Variants in ERI1 observed in about 807,000 individuals in gnomAD.
ERI1 encodes 3'-5' exoribonuclease 1.
In ERI1, 39 loss-of-function variants were observed where a neutral mutation model predicts 39.7. The ratio of observed to expected loss-of-function variants is 0.98; its 90% CI spans 0.76 to 1.28. The LOEUF (loss-of-function observed/expected upper bound fraction) is 1.28. ERI1 is among the 50% of genes most tolerant of loss of function. The pLI, the probability that ERI1 is intolerant of heterozygous loss-of-function variation, is 0.00. For synonymous variants in ERI1, 204 were observed against 149.6 expected (o/e 1.36, Z -2.65); for missense variants, 581 against 416.9 (o/e 1.39, Z -3.43).
intron 2 of ERI1, among the ~76,000 whole-genome samples, chr8:9,010,405 G>A (rs1476149334): frequency 6.6e-6 from 1 of 152,130 alleles, no homozygotes; most frequent in African/African-American, 2.4e-5. Context: ...AGAGGTTAAG[G>A]ATTTTCTCCG....
At chr8:9,080,664 T>C (rs1313464475) in intron 3 of ERI1, among the ~76,000 whole-genome samples, 2 of 152,150 alleles carry the variant, frequency 1.3e-5, no homozygotes, top group Non-Finnish European at 2.9e-5. Context: ...TCTAGACGTG[T>C]CTTTGGGTTC....
intron 3 of ERI1, among the ~76,000 whole-genome samples, chr8:9,092,751 A>G (rs934698684): frequency 1.3e-5 from 2 of 152,224 alleles, no homozygotes; most frequent in Middle Eastern, 3.4e-3. Flanking sequence ...ATTTTTAGAG[A>G]TGTGTTTTGT....
rs375181202 is a variant in ERI1, at chr8:9,012,191, A to G, written c.498+439A>G. Among the ~76,000 whole-genome samples, 48 of 152,242 alleles carry G rather than the reference A, an allele frequency of 3.2e-4. 1 individual carries two copies. The East Asian group carries it at 8.1e-3, about 26-fold the overall frequency. On this transcript the variant is annotated intron_variant, in intron 3 of 6. Transcript: ENST00000250263. ...TAACCACCACTGTGGCCTAGTGTGA[A>G]CTCTGATCTCTAAGAATGATAATTT...
At chr8:9,061,045 G>A (rs1460761063) in intron 3 of ERI1, among the ~76,000 whole-genome samples, 1 of 152,210 alleles carries the variant, frequency 6.6e-6, no homozygotes, top group Non-Finnish European at 1.5e-5. Context: ...GCAAGAGCGA[G>A]GGCTTGAGTT....
At chr8:9,011,464 C>A in intron 2 of ERI1, 78 bp from the exon 3 acceptor site, 1 of 913,286 alleles carries the variant, frequency 1.1e-6, no homozygotes, top group Non-Finnish European at 1.6e-6. Context: ...AGTGTTCAGC[C>A]CAGTGCCAGC....
chr8:9,014,904 C>G (rs1031253821), intron 3 of ERI1, among the ~76,000 whole-genome samples: 4 of 152,136 alleles, frequency 2.6e-5, no homozygotes, highest in African/African-American at 7.2e-5. Flanking sequence ...GTGGCTCAAT[C>G]TCGGCTCACT....
At chr8:9,009,840 G>C (rs1816477816) in intron 2 of ERI1, among the ~76,000 whole-genome samples, 2 of 152,146 alleles carry the variant, frequency 1.3e-5, no homozygotes, top group Admixed American at 1.3e-4. Context: ...TGAGGCCATG[G>C]CTTATAGTAT....
intron 1 of ERI1, among the ~76,000 whole-genome samples, chr8:9,004,570 G>A (rs892611995): frequency 1.3e-5 from 2 of 150,380 alleles, no homozygotes; most frequent in East Asian, 1.9e-4. Context: ...GAGGCTCAGT[G>A]GGGAGGATCA....
intron 3 of ERI1, among the ~76,000 whole-genome samples, chr8:9,042,197 C>G (rs1028344616): frequency 6.6e-6 from 1 of 152,212 alleles, no homozygotes; most frequent in East Asian, 1.9e-4. Flanking sequence ...AGAGAAGGAA[C>G]TTGGAGGCTG....
intron 2 of ERI1, among the ~76,000 whole-genome samples, chr8:9,009,675 G>C (rs1050619078): frequency 1.4e-4 from 21 of 152,072 alleles, no homozygotes; most frequent in Admixed American, 7.9e-4. Context: ...GAGTAGCTCG[G>C]ATTACAGGCA....
intron 3 of ERI1, among the ~76,000 whole-genome samples, chr8:9,091,923 C>G (rs771781797): frequency 6.6e-6 from 1 of 152,174 alleles, no homozygotes; most frequent in Non-Finnish European, 1.5e-5. Context: ...TTGGAAAGAG[C>G]TTTCTGAACT....
Position 9,029,929 on chromosome 8 carries a change from ACTC to A in ERI1, c.947_949del (p.Leu316del). On this transcript the variant is annotated inframe_deletion, in exon 7 of 7. Transcript: ENST00000250263. The stretch of plus-strand genomic sequence containing the variant: ...TTCGAATGCTTCAGGATGGGTGTGA[ACTC>A]CGAATCAACGAGAAAATGCATGCAG... 1 of 1,614,086 alleles carries A rather than the reference ACTC, an allele frequency of 6.2e-7. No homozygotes were observed. Among genetic ancestry groups the A allele is most frequent in the Non-Finnish European group, 8.5e-7 (1 of 1,180,012 alleles).
intron 3 of ERI1, among the ~76,000 whole-genome samples, chr8:9,071,022 C>T (rs993278931): frequency 1.6e-4 from 25 of 152,256 alleles, no homozygotes; most frequent in Admixed American, 1.4e-3. Flanking sequence ...TTCTCTCCAC[C>T]CATTTCTTCT....
intron 1 of ERI1, among the ~76,000 whole-genome samples, chr8:9,006,019 C>T (rs1471159950): frequency 6.6e-6 from 1 of 152,080 alleles, no homozygotes; most frequent in Non-Finnish European, 1.5e-5. Flanking sequence ...TTATATGGTC[C>T]GTATTATATG....
At chr8:9,091,714 ATCTG>A (rs1799710912) in intron 3 of ERI1, among the ~76,000 whole-genome samples, 1 of 152,218 alleles carries the variant, frequency 6.6e-6, no homozygotes, top group South Asian at 2.1e-4. Flanking sequence ...AAGGGAAAGC[ATCTG>A]TCTGGTTAGC....
chr8:9,046,847 G>A (rs1180064166), intron 3 of ERI1, among the ~76,000 whole-genome samples: 2 of 152,218 alleles, frequency 1.3e-5, no homozygotes, highest in Non-Finnish European at 2.9e-5. Flanking sequence ...CCCTTGGGAA[G>A]AGGAAATACA....
rs750674354 is a variant in ERI1 at position 9,030,575 on chromosome 8, T to C, written c.*541T>C. 2 of 153,742 alleles carry C rather than the reference T, an allele frequency of 1.3e-5. No individual in the cohort carries two copies. Among genetic ancestry groups the C allele is most frequent in the Non-Finnish European group, 2.9e-5 (2 of 68,940 alleles). 9.5% of individuals were successfully genotyped at this position (153,742 alleles called of 1,614,324 possible). On this transcript the variant is annotated 3_prime_UTR_variant, in exon 7 of 7. Transcript: ENST00000250263. ...GGTACTTGGTATACATATCTGCCTATGTTTCTTTTCAACTCATAATTGGAA... is the reference window on the plus strand; with the variant it reads ...GGTACTTGGTATACATATCTGCCTACGTTTCTTTTCAACTCATAATTGGAA...
At chr8:9,083,792 A>G (rs1199708031) in intron 3 of ERI1, among the ~76,000 whole-genome samples, 9 of 150,862 alleles carry the variant, frequency 6.0e-5, no homozygotes, top group Admixed American at 5.9e-4. Context: ...TGTCTCTATG[A>G]TTTTTTTTTC....
chr8:9,016,517 G>A (rs1817305800), intron 4 of ERI1, 112 bp downstream of exon 4: 2 of 466,604 alleles, frequency 4.3e-6, no homozygotes, highest in Non-Finnish European at 3.6e-6. Flanking sequence ...TTAATACCTT[G>A]CTTGGTAAAG....
Sources: allele counts gnomAD v4.1 joint callset (sites outside exome capture counted in the v4.1 genomes callset), GRCh38; gene constraint gnomAD v4.1.1; transcripts MANE v1.5; gene names NCBI Gene and HGNC (gene_info 2026-07-23, HGNC 2026-07-21).